Variants in SAMD9 observed in about 807,000 individuals in gnomAD.
SAMD9 encodes sterile alpha motif domain-containing protein 9.
In SAMD9, 3 loss-of-function variants were observed where a neutral mutation model predicts 1.5. The observed-to-expected ratio is 2.05, with a 90% CI of 0.93 to 5.29. The LOEUF (loss-of-function observed/expected upper bound fraction) is 5.29. SAMD9 is among the 30% of genes most tolerant of loss of function. The pLI is 0.02. For synonymous variants in SAMD9, 635 were observed against 631.9 expected (o/e 1.00, Z -0.07); for missense variants, 1,597 against 1,820.8 (o/e 0.88, Z 2.24).
chr7:93,117,291 G>T (rs1195845989), intron 1 of SAMD9, among the ~76,000 whole-genome samples: 5 of 151,256 alleles, frequency 3.3e-5, no homozygotes, highest in Non-Finnish European at 5.9e-5. Context: ...TGTTGTTGTT[G>T]TTTTTGAGAC....
Position 93,105,118 on chromosome 7 carries a change from T to C in SAMD9, c.980A>G (p.Asn327Ser), listed in dbSNP as rs1409939113. Residue 327 changes from asparagine (N) to serine (S), a missense_variant, in exon 3 of 3, where the codon AAT becomes AGT. By Grantham distance (46) the Asn-to-Ser change is conservative. This residue lies in a region of SAMD9 where 498 missense variants were observed against 457.4 expected (regional missense o/e 1.09). Transcript: ENST00000379958. ...QYDYFQIKMQNYNNKIWEQSK... is the reference protein window; with the variant it reads ...QYDYFQIKMQSYNNKIWEQSK... ...TTGTTCCCATATTTTGTTGTTGTAA[T>C]TTTGCATTTTAATCTGGAAATAATC... 1 of 1,613,664 alleles carries C rather than the reference T, an allele frequency of 6.2e-7. No individual in the cohort carries two copies. Among genetic ancestry groups the C allele is most frequent in the African/African-American group, 1.3e-5 (1 of 74,904 alleles).
At chr7:93,109,912 A>G (rs188368280) in intron 2 of SAMD9, among the ~76,000 whole-genome samples, 15 of 152,214 alleles carry the variant, frequency 9.9e-5, no homozygotes, top group Admixed American at 6.5e-4. Context: ...AACTTCCCCA[A>G]CCTAGCAAGG....
At chr7:93,109,642 A>C (rs138546937) in intron 2 of SAMD9, among the ~76,000 whole-genome samples, 8,539 of 152,296 alleles carry the variant, frequency 0.056, 330 homozygotes, top group South Asian at 0.19. Flanking sequence ...ACCATGGCAC[A>C]AGAACTACGT....
intron 2 of SAMD9, among the ~76,000 whole-genome samples, chr7:93,110,371 C>T (rs1284808037): frequency 1.3e-5 from 2 of 152,176 alleles, no homozygotes; most frequent in African/African-American, 4.8e-5. Context: ...TTGTAAACAC[C>T]ATCGATGCTA....
At chr7:93,114,278 C>T (rs1218973154) in intron 2 of SAMD9, among the ~76,000 whole-genome samples, 2 of 130,012 alleles carry the variant, frequency 1.5e-5, no homozygotes, top group African/African-American at 6.0e-5. Context: ...GGTTGGGGAA[C>T]ATCACACACT....
chr7:93,102,885 C>T lies in SAMD9; in HGVS notation c.3213G>A (p.Leu1071=), dbSNP rs765709941. ...DEGNEAVEAV[L]LESIHRFNPN... Reference sequence around the variant, plus strand: ...GGTTGAACCGATGGATACTTTCAAGCAATACAGCTTCAACTGCTTCATTTC... The same window carrying T: ...GGTTGAACCGATGGATACTTTCAAGTAATACAGCTTCAACTGCTTCATTTC... Residue 1071 remains leucine, a synonymous_variant, in exon 3 of 3, where the codon TTG becomes TTA. Transcript: ENST00000379958. 1.2e-6 allele frequency: 2 copies of T among 1,613,696 alleles called. No individual in the cohort carries two copies. Among genetic ancestry groups the T allele is most frequent in the South Asian group, 2.2e-5 (2 of 91,086 alleles).
intron 2 of SAMD9, among the ~76,000 whole-genome samples, chr7:93,109,736 G>C (rs1330873028): frequency 6.6e-6 from 1 of 152,114 alleles, no homozygotes; most frequent in East Asian, 1.9e-4. Flanking sequence ...ATGAAATGAA[G>C]CCAGAAGAGA....
Position 93,101,056 on chromosome 7 carries a change from C to T in SAMD9, c.*272G>A. 2.2e-6 allele frequency: 1 copy of T among 454,002 alleles called. No individual in the cohort carries two copies. Among genetic ancestry groups the T allele is most frequent in the Non-Finnish European group, 4.0e-6 (1 of 250,636 alleles). The allele number at this position is 454,002 out of a possible 1,614,324, so 28.1% of individuals were successfully genotyped here. ...AGCTTATTACACTAACTTCTCCTGA[C>T]TCCAGTCATAGCTCCTTATTATTTT... On this transcript the variant is annotated 3_prime_UTR_variant, in exon 3 of 3. Transcript: ENST00000379958.
At chr7:93,108,920 A>C (rs974239069) in intron 2 of SAMD9, among the ~76,000 whole-genome samples, 26 of 152,152 alleles carry the variant, frequency 1.7e-4, no homozygotes, top group African/African-American at 6.3e-4. Flanking sequence ...GCAGACTTAA[A>C]CATCCCTGTC....
rs1791492740 is a variant in SAMD9, at chr7:93,099,521, T to C, written c.*1807A>G. 1 of 152,210 alleles carries C rather than the reference T, an allele frequency of 6.6e-6. No individual in the cohort carries two copies. The highest frequency in any genetic ancestry group is 2.4e-5 in the African/African-American group (1 of 41,462). The allele number at this position is 152,210 out of a possible 1,614,324, so 9.4% of individuals were successfully genotyped here. On this transcript the variant is annotated 3_prime_UTR_variant, in exon 3 of 3. Coordinates refer to ENST00000379958, the MANE Select transcript of SAMD9 (RefSeq NM_017654.4). ...ACATCAGGCTGAACGCCATAAATAA[T>C]ATACAATTTTTATTTGTCAATTAGA...
chr7:93,110,551 C>A (rs944709685), intron 2 of SAMD9, among the ~76,000 whole-genome samples: 13 of 152,268 alleles, frequency 8.5e-5, no homozygotes, highest in South Asian at 8.3e-4. Flanking sequence ...GTGCTGTATT[C>A]AGGAGACCCA....
intron 2 of SAMD9, among the ~76,000 whole-genome samples, chr7:93,108,000 A>T (rs576861779): frequency 6.6e-6 from 1 of 152,372 alleles, no homozygotes; most frequent in East Asian, 1.9e-4. Flanking sequence ...AAAAAACTGC[A>T]ATGGTATCCA....
At chr7:93,113,933 G>T (rs960846981) in intron 2 of SAMD9, among the ~76,000 whole-genome samples, 1 of 152,134 alleles carries the variant, frequency 6.6e-6, no homozygotes, top group African/African-American at 2.4e-5. Context: ...ATTTGACCCA[G>T]CCATCCCATT....
intron 2 of SAMD9, among the ~76,000 whole-genome samples, chr7:93,106,574 CAT>C (rs1216202694): frequency 2.0e-5 from 3 of 152,162 alleles, no homozygotes; most frequent in Admixed American, 6.5e-5. Context: ...GTAAATAGAG[CAT>C]ATGAGTATTA....
rs1227048825 is a variant in SAMD9, at chr7:93,105,005, C to A, written c.1093G>T (p.Asp365Tyr). The change falls in exon 3 of 3, where the codon GAT becomes TAT. Residue 365 changes from aspartate (D) to tyrosine (Y), a missense_variant. This residue lies in a region of SAMD9 where 498 missense variants were observed against 457.4 expected (regional missense o/e 1.09). Coordinates refer to ENST00000379958, the MANE Select transcript of SAMD9 (RefSeq NM_017654.4). ...CTGGACTCTGCCAGTGTTTTAAAAT[C>A]TGCTTTAAATGCTCTGAAATCAACT... ...NKVDFRAFKADFKTLAESRKA... is the reference protein window; with the variant it reads ...NKVDFRAFKAYFKTLAESRKA... 4.3e-6 allele frequency: 7 copies of A among 1,613,568 alleles called. No individual in the cohort carries two copies. The African/African-American group carries it at 6.7e-5, about 15-fold the overall frequency.
chr7:93,114,564 G>A (rs1584260583), intron 2 of SAMD9, among the ~76,000 whole-genome samples: 1 of 152,192 alleles, frequency 6.6e-6, no homozygotes, highest in Middle Eastern at 3.4e-3. Context: ...AAAGATAAGA[G>A]CAGGAATTTA....
Position 93,103,418 on chromosome 7 carries a change from T to C in SAMD9, c.2680A>G (p.Lys894Glu), listed in dbSNP as rs79303965. Residue 894 changes from lysine to glutamate, a missense_variant, in exon 3 of 3, where the codon AAA (lysine) becomes GAA (glutamate). Lys to Glu is a moderately conservative substitution (Grantham distance 56). Coordinates refer to ENST00000379958, the MANE Select transcript of SAMD9 (RefSeq NM_017654.4). ...CGGACCACATTTTCTATGTATTCTT[T>C]ATTAAAATTGGTTTTCATGATCATA... ...SFMIMKTNFN[K>E]EYIENVVRNI... 6,288 of 1,613,388 alleles carry C rather than the reference T, an allele frequency of 3.9e-3. 203 individuals carry two copies. The African/African-American group carries it at 0.074, about 19-fold the overall frequency.
intron 1 of SAMD9, among the ~76,000 whole-genome samples, chr7:93,115,360 A>G (rs1791816649): frequency 6.6e-6 from 1 of 152,200 alleles, no homozygotes; most frequent in Non-Finnish European, 1.5e-5. Flanking sequence ...TTGGATCTGC[A>G]ATTCTCATGA....
In SAMD9 at chr7:93,105,574, T is replaced by G; in HGVS notation, c.524A>C (p.Tyr175Ser). Residue 175 changes from tyrosine (Y) to serine (S), a missense_variant, in exon 3 of 3, where the codon TAC becomes TCC. Around this residue, in one of 6 missense-constraint regions of SAMD9, gnomAD observed 498 missense variants for 457.4 expected, o/e 1.09. Coordinates refer to ENST00000379958, the MANE Select transcript of SAMD9 (RefSeq NM_017654.4). Reference protein sequence around the residue: ...PFDEFSNPYRYKLDFSLQPET... With the variant: ...PFDEFSNPYRSKLDFSLQPET... Reference sequence around the variant, plus strand: ...AGGCTGTAGACTAAAATCCAACTTGTAACGATATGGATTACTGAATTCATC... The same window carrying G: ...AGGCTGTAGACTAAAATCCAACTTGGAACGATATGGATTACTGAATTCATC... The G allele has an allele frequency of 6.2e-7, 1 of 1,614,156 alleles. No individual in the cohort carries two copies. Among genetic ancestry groups the G allele is most frequent in the Admixed American group, 1.7e-5 (1 of 60,026 alleles).
Sources: gnomAD v4.1 joint callset for allele counts (sites outside exome capture counted in the v4.1 genomes callset) on GRCh38, gnomAD v4.1.1 for gene constraint, gnomAD v4.1.1 regional missense constraint, MANE v1.5 for transcripts, NCBI Gene and HGNC (gene_info 2026-07-23, HGNC 2026-07-21) for gene names.